CFAP54: variants seen among roughly 807,000 people sequenced by gnomAD.
CFAP54 encodes cilia- and flagella-associated protein 54.
CFAP54 carries 290 observed loss-of-function variants against 370.4 expected under a neutral mutation model. The ratio of observed to expected loss-of-function variants is 0.78; its 90% CI spans 0.71 to 0.86. The LOEUF (loss-of-function observed/expected upper bound fraction) is 0.86, where lower values mean the gene tolerates loss of function less well. Among genes scored for constraint, CFAP54 ranks in the 40% least tolerant of loss-of-function variants. The pLI, the probability that CFAP54 is intolerant of heterozygous loss-of-function variation, is 0.00. For missense variants in CFAP54, 3,399 were observed against 3,528.7 expected (o/e 0.96, Z 0.93); for synonymous variants, 1,206 against 1,236.5 (o/e 0.98, Z 0.52).
At chr12:96,623,093 G>A (rs1193917747) in intron 27 of CFAP54, among the ~76,000 whole-genome samples, 1 of 152,042 alleles carries the variant, frequency 6.6e-6, no homozygotes, top group Non-Finnish European at 1.5e-5. Context: ...GCAGAAGGTT[G>A]TGATTCTTCC....
chr12:96,764,207 G>A lies in CFAP54; in HGVS notation c.8097G>A (p.Met2699Ile). Residue 2699 changes from methionine to isoleucine, a missense_variant, in exon 59 of 68, where the codon ATG becomes ATA. Around this residue, in one of 3 missense-constraint regions of CFAP54, gnomAD observed 2,796 missense variants for 2,869.7 expected, o/e 0.97. Coordinates refer to ENST00000524981, the MANE Select transcript of CFAP54 (RefSeq NM_001306084.2). ...AAACATCAGCAAATAAATTTGAAAT[G>A]TACAGTTCATTAGCCTGGATTGCAA... is the stretch of plus-strand genomic sequence containing the variant. Reference protein sequence around the residue: ...VKETSANKFEMYSSLAWIAIR... With the variant: ...VKETSANKFEIYSSLAWIAIR... The A allele has an allele frequency of 6.2e-7, 1 of 1,613,284 alleles. No individual in the cohort carries two copies. Among genetic ancestry groups the A allele is most frequent in the Non-Finnish European group, 8.5e-7 (1 of 1,179,652 alleles).
intron 26 of CFAP54, among the ~76,000 whole-genome samples, chr12:96,609,832 T>C (rs1169144902): frequency 6.6e-6 from 1 of 152,048 alleles, no homozygotes; most frequent in Non-Finnish European, 1.5e-5. Context: ...CTTAACAAAA[T>C]GTTAAAGAAT....
intron 32 of CFAP54, among the ~76,000 whole-genome samples, chr12:96,641,638 T>G (rs1956728662): frequency 6.6e-6 from 1 of 152,154 alleles, no homozygotes; most frequent in Non-Finnish European, 1.5e-5. Context: ...CGTATGTTTA[T>G]TGCGGCACTA....
chr12:96,696,159 T>A (rs1957438075), intron 45 of CFAP54, among the ~76,000 whole-genome samples: 1 of 152,098 alleles, frequency 6.6e-6, no homozygotes, highest in African/African-American at 2.4e-5. Context: ...AAATATTGAC[T>A]TGTTTAGGGG....
At chr12:96,771,531 A>G (rs931141128) in intron 60 of CFAP54, among the ~76,000 whole-genome samples, 11 of 152,320 alleles carry the variant, frequency 7.2e-5, no homozygotes, top group Admixed American at 5.9e-4. Flanking sequence ...GGGCCCCTGT[A>G]GTCCCAGCTA....
chr12:96,615,634 G>T (rs982952330), intron 26 of CFAP54, among the ~76,000 whole-genome samples: 6 of 151,980 alleles, frequency 3.9e-5, no homozygotes, highest in Non-Finnish European at 8.8e-5. Context: ...GCTAATATCC[G>T]GAATCTACAA....
At chr12:96,722,575 T>C (rs1231858880) in intron 50 of CFAP54, among the ~76,000 whole-genome samples, 1 of 152,080 alleles carries the variant, frequency 6.6e-6, no homozygotes, top group Non-Finnish European at 1.5e-5. Flanking sequence ...AGACTGACTT[T>C]GAGTGAAGTG....
chr12:96,668,312 A>G (rs917105261), intron 39 of CFAP54, among the ~76,000 whole-genome samples: 1 of 152,178 alleles, frequency 6.6e-6, no homozygotes, highest in African/African-American at 2.4e-5. Context: ...AGTTTACTGT[A>G]TTAGGCCATT....
chr12:96,791,668 C>A lies in CFAP54; in HGVS notation c.8680-661C>A, dbSNP rs963208575. Among the ~76,000 whole-genome samples the A allele has an allele frequency of 2.6e-5, 4 of 152,022 alleles. No homozygotes were observed. In the East Asian group the frequency reaches 7.7e-4, roughly 29 times the overall value. ...TGGAAAAATAAATAGTAATTTATAACCACACCCTTAGTGTATTCACCAGTG... is the reference window on the plus strand; with the variant it reads ...TGGAAAAATAAATAGTAATTTATAAACACACCCTTAGTGTATTCACCAGTG... On this transcript the variant is annotated intron_variant, in intron 62 of 67. Transcript: ENST00000524981.
intron 35 of CFAP54, among the ~76,000 whole-genome samples, chr12:96,651,150 G>A (rs1956853149): frequency 6.6e-6 from 1 of 152,146 alleles, no homozygotes; most frequent in Non-Finnish European, 1.5e-5. Flanking sequence ...TGCTCTGTCA[G>A]GTTCCAACTC....
At chr12:96,531,000 A>G (rs541559096) in intron 9 of CFAP54, among the ~76,000 whole-genome samples, 1 of 152,086 alleles carries the variant, frequency 6.6e-6, no homozygotes, top group East Asian at 1.9e-4. Context: ...TCTTTTGTTC[A>G]CTTTCTAATT....
chr12:96,564,283 G>A (rs1453763365), intron 17 of CFAP54, among the ~76,000 whole-genome samples, 185 bp from the exon 18 acceptor site: 1 of 152,048 alleles, frequency 6.6e-6, no homozygotes, highest in Non-Finnish European at 1.5e-5. Context: ...GTATACTGTG[G>A]CAAATAAAAG....
In CFAP54 at chr12:96,658,397, C is replaced by T. The variant is rs781667628; in HGVS notation, c.5460+51C>T. The T allele has an allele frequency of 3.2e-6, 5 of 1,575,802 alleles. No individual in the cohort carries two copies. In the South Asian group the frequency reaches 5.7e-5, roughly 18 times the overall value. ...CATGCTGTTGTGATTTCTAATTAGT[C>T]CACATATAAAATACAAAGATTTAGA... On this transcript the variant is annotated intron_variant, in intron 38 of 67. Transcript: ENST00000524981.
intron 52 of CFAP54, among the ~76,000 whole-genome samples, chr12:96,742,907 G>T (rs1388053720): frequency 6.6e-6 from 1 of 152,072 alleles, no homozygotes; most frequent in Non-Finnish European, 1.5e-5. Flanking sequence ...AACCCACTTG[G>T]GTTCAAATAT....
Position 96,688,987 on chromosome 12 carries a change from C to T in CFAP54, c.6081+5C>T. 1 of 1,553,732 alleles carries T rather than the reference C, an allele frequency of 6.4e-7. No homozygotes were observed. The highest frequency in any genetic ancestry group is 8.7e-7 in the Non-Finnish European group (1 of 1,147,570). On this transcript the variant is annotated splice_donor_5th_base_variant and intron_variant, in intron 43 of 67. Coordinates refer to ENST00000524981, the MANE Select transcript of CFAP54 (RefSeq NM_001306084.2). The stretch of plus-strand genomic sequence containing the variant: ...TTGTCTGCGTTACTCTTTCAGGTAA[C>T]ACTCTATGTATGTATGTTTTTCCAT...
At chr12:96,738,608 CTTTTTTTTTTT>C (rs71068829) in intron 50 of CFAP54, among the ~76,000 whole-genome samples, 6 of 129,212 alleles carry the variant, frequency 4.6e-5, no homozygotes, top group South Asian at 2.5e-4. Context: ...TCTAAATCTC[CTTTTTTTTTTT>C]TTTTTTTTTT....
chr12:96,614,256 C>G (rs1565914999), intron 26 of CFAP54, among the ~76,000 whole-genome samples: 2 of 152,138 alleles, frequency 1.3e-5, no homozygotes, highest in Non-Finnish European at 2.9e-5. Context: ...GAACCAAAGA[C>G]AAAAATCACA....
At chr12:96,588,707 G>A (rs149006811) in intron 22 of CFAP54, among the ~76,000 whole-genome samples, 8 of 152,246 alleles carry the variant, frequency 5.3e-5, no homozygotes, top group African/African-American at 1.4e-4. Context: ...TTGAAGCAGT[G>A]TAGAACTCAT....
intron 64 of CFAP54, among the ~76,000 whole-genome samples, chr12:96,812,916 C>G (rs529818584): frequency 1.3e-5 from 2 of 152,046 alleles, no homozygotes; most frequent in Non-Finnish European, 2.9e-5. Flanking sequence ...CTTCCCTCCA[C>G]TCCTCTCCTC....
Sources: gnomAD v4.1 joint callset for allele counts (sites outside exome capture counted in the v4.1 genomes callset) on GRCh38, gnomAD v4.1.1 for gene constraint, gnomAD v4.1.1 regional missense constraint, MANE v1.5 for transcripts, NCBI Gene and HGNC (gene_info 2026-07-23, HGNC 2026-07-21) for gene names.